TMEM51: variants seen among roughly 807,000 people sequenced by gnomAD.
TMEM51 encodes the protein chromosome 1 open reading frame 72.
TMEM51 carries 8 observed loss-of-function variants against 13.6 expected under a neutral mutation model. That is an observed-to-expected ratio of 0.59 (90% CI 0.35 to 1.07). The LOEUF (loss-of-function observed/expected upper bound fraction) is 1.07. Ranked by LOEUF, TMEM51 falls within the 50% of genes least tolerant of loss-of-function variation. TMEM51 has a pLI of 0.02. For missense variants in TMEM51, 279 were observed against 330.7 expected (o/e 0.84, Z 1.21); for synonymous variants, 147 against 144.4 (o/e 1.02, Z -0.13).
chr1:15,187,668 A>C (rs1208070274), intron 1 of TMEM51, among the ~76,000 whole-genome samples: 1 of 152,188 alleles, frequency 6.6e-6, no homozygotes, highest in Admixed American at 6.5e-5. Context: ...GCCCAGAGGC[A>C]TTCCCACCAC....
intron 1 of TMEM51, among the ~76,000 whole-genome samples, chr1:15,185,809 C>T (rs957806190): frequency 6.6e-6 from 1 of 152,230 alleles, no homozygotes; most frequent in African/African-American, 2.4e-5. Context: ...GTGGGTACCA[C>T]AGCTGTGCAG....
intron 1 of TMEM51, among the ~76,000 whole-genome samples, chr1:15,157,848 C>T (rs565754266): frequency 2.6e-4 from 39 of 152,298 alleles, no homozygotes; most frequent in Non-Finnish European, 3.5e-4. Flanking sequence ...AGTAGGTGCT[C>T]CTTGTAAAAA....
intron 1 of TMEM51, among the ~76,000 whole-genome samples, chr1:15,173,348 T>C (rs7551725): frequency 0.028 from 4,306 of 151,336 alleles, 193 homozygotes; most frequent in African/African-American, 0.1. Flanking sequence ...GCCTTCCGAG[T>C]AGCTGGGATT....
chr1:15,184,520 G>A (rs900181015), intron 1 of TMEM51, among the ~76,000 whole-genome samples: 1 of 152,200 alleles, frequency 6.6e-6, no homozygotes, highest in African/African-American at 2.4e-5. Context: ...ACTGAAGGAT[G>A]CTTCTAGAAG....
At chr1:15,211,456 G>A (rs962692910) in intron 2 of TMEM51, among the ~76,000 whole-genome samples, 4 of 151,962 alleles carry the variant, frequency 2.6e-5, no homozygotes, top group African/African-American at 9.7e-5. Flanking sequence ...TTTTTTGTCT[G>A]TTTAAGAACT....
At chr1:15,158,825 A>G (rs1173015174) in intron 1 of TMEM51, among the ~76,000 whole-genome samples, 1 of 152,188 alleles carries the variant, frequency 6.6e-6, no homozygotes, top group African/African-American at 2.4e-5. Flanking sequence ...TTACTAGTGG[A>G]TTTGAGCATC....
At chr1:15,171,102 T>TCCCC in intron 1 of TMEM51, 1 of 692,844 alleles carries the variant, frequency 1.4e-6, no homozygotes, top group Non-Finnish European at 2.2e-6. Flanking sequence ...TCCCTCCTCC[T>TCCCC]CCACCCCCCG....
At chr1:15,199,314 A>C (rs1428642385) in intron 1 of TMEM51, among the ~76,000 whole-genome samples, 1 of 152,072 alleles carries the variant, frequency 6.6e-6, no homozygotes, top group Non-Finnish European at 1.5e-5. Context: ...TTATATTTTA[A>C]GTAGAGATGG....
intron 1 of TMEM51, among the ~76,000 whole-genome samples, chr1:15,184,486 G>A (rs369607489): frequency 1.3e-5 from 2 of 152,188 alleles, no homozygotes; most frequent in Non-Finnish European, 2.9e-5. Flanking sequence ...AGGATAGTAG[G>A]AAGCCAGGCA....
intron 1 of TMEM51, chr1:15,192,829 C>A (rs1277587238): frequency 5.3e-5 from 9 of 171,328 alleles, no homozygotes; most frequent in Non-Finnish European, 1.1e-4. Context: ...TTACTGAATT[C>A]AACGGATTTC....
intron 1 of TMEM51, chr1:15,192,215 T>G (rs2100276461): frequency 1.6e-5 from 6 of 383,966 alleles, no homozygotes; most frequent in East Asian, 1.2e-4. Flanking sequence ...GTAAGAGATC[T>G]TTCTAAATCC....
chr1:15,198,435 G>C (rs1005483276), intron 1 of TMEM51, among the ~76,000 whole-genome samples: 7 of 152,018 alleles, frequency 4.6e-5, no homozygotes, highest in Admixed American at 2.0e-4. Context: ...ATTATTTTTT[G>C]AAACAGAGTC....
chr1:15,180,255 G>T (rs551352587), intron 1 of TMEM51, among the ~76,000 whole-genome samples: 7 of 150,168 alleles, frequency 4.7e-5, no homozygotes, highest in Admixed American at 4.6e-4. Context: ...ACCTAATTGC[G>T]GTCAAAGTCT....
intron 1 of TMEM51, among the ~76,000 whole-genome samples, chr1:15,190,110 G>T (rs1643895879): frequency 6.6e-6 from 1 of 151,728 alleles, no homozygotes; most frequent in Non-Finnish European, 1.5e-5. Flanking sequence ...TTCTTTTAGA[G>T]CAGGGCTTGG....
chr1:15,178,324 A>G (rs1179077975), intron 1 of TMEM51, among the ~76,000 whole-genome samples: 2 of 152,104 alleles, frequency 1.3e-5, no homozygotes, highest in Admixed American at 6.6e-5. Flanking sequence ...ACCTGTCTCT[A>G]TATCCTTGAG....
chr1:15,153,141 C>T (rs1458607295), upstream of TMEM51, among the ~76,000 whole-genome samples: 1 of 152,216 alleles, frequency 6.6e-6, no homozygotes, highest in Non-Finnish European at 1.5e-5. Flanking sequence ...AAACTCGCTT[C>T]CTCCTTCCCT....
upstream of TMEM51, among the ~76,000 whole-genome samples, chr1:15,153,452 G>C (rs929458698): frequency 3.9e-5 from 6 of 152,204 alleles, no homozygotes; most frequent in Non-Finnish European, 8.8e-5. Flanking sequence ...TAGGGAGGAG[G>C]GGGGATCAGG....
chr1:15,159,115 C>T (rs1209068046), intron 1 of TMEM51, among the ~76,000 whole-genome samples: 1 of 152,104 alleles, frequency 6.6e-6, no homozygotes, highest in Non-Finnish European at 1.5e-5. Flanking sequence ...GAGGCAGGGC[C>T]GACAGGAAGG....
chr1:15,219,876 CG>C lies in TMEM51; in HGVS notation c.*141del, dbSNP rs367709248. ...ATGGAGCCATTTGGATGGCGGCGGG[CG>C]GGGGGGGATTCTCTGTATCAGGAGT... On this transcript the variant is annotated 3_prime_UTR_variant, in exon 4 of 4. Coordinates refer to ENST00000376008, the MANE Select transcript of TMEM51 (RefSeq NM_001136218.2). 390 of 963,416 alleles carry C rather than the reference CG, an allele frequency of 4.0e-4. No individual in the cohort carries two copies. The highest frequency in any genetic ancestry group is 6.7e-4 in the Middle Eastern group (2 of 2,982). The allele number at this position is 963,416 out of a possible 1,614,324, so 59.7% of individuals were successfully genotyped here.
Sources: allele counts gnomAD v4.1 joint callset (sites outside exome capture counted in the v4.1 genomes callset), GRCh38; gene constraint gnomAD v4.1.1; transcripts MANE v1.5; gene names NCBI Gene and HGNC (gene_info 2026-07-23, HGNC 2026-07-21).